Variants in AURKB observed in about 807,000 individuals in gnomAD.
The protein encoded by AURKB is aurora kinase B-Sv1.
In AURKB, 28 loss-of-function variants were observed where a neutral mutation model predicts 36.5. The ratio of observed to expected loss-of-function variants is 0.77; its 90% CI spans 0.57 to 1.05. The LOEUF is 1.05. Ranked by LOEUF, AURKB falls within the 50% of genes least tolerant of loss-of-function variation. The pLI, the probability that AURKB is intolerant of heterozygous loss-of-function variation, is 0.00. For synonymous variants in AURKB, 175 were observed against 172.9 expected (o/e 1.01, Z -0.09); for missense variants, 383 against 447.4 (o/e 0.86, Z 1.30).
chr17:8,205,571 A>G (rs1259883309), intron 7 of AURKB, among the ~76,000 whole-genome samples, 181 bp from the exon 8 acceptor site: 1 of 152,128 alleles, frequency 6.6e-6, no homozygotes, highest in Non-Finnish European at 1.5e-5. Context: ...CCCAGAGGTG[A>G]GCCTGCACAC....
Position 8,204,794 on chromosome 17 carries a change from A to G in AURKB, c.*77T>C. ...GAGGAGGTAGAAAACAGATAAGGGAACAGTTAGGGATCCCTTCTTTCCCCT... is the reference window on the plus strand; with the variant it reads ...GAGGAGGTAGAAAACAGATAAGGGAGCAGTTAGGGATCCCTTCTTTCCCCT... On this transcript the variant is annotated 3_prime_UTR_variant, in exon 9 of 9. Coordinates refer to ENST00000585124, the MANE Select transcript of AURKB (RefSeq NM_004217.4). The G allele has an allele frequency of 6.5e-7, 1 of 1,539,298 alleles. No homozygotes were observed. The highest frequency in any genetic ancestry group is 8.9e-7 in the Non-Finnish European group (1 of 1,129,844).
rs1276771833 is a variant in AURKB, at chr17:8,206,598, C to T, written c.579G>A (p.Gly193=). Residue 193 remains glycine, a synonymous_variant, in exon 7 of 9, where the codon GGG becomes GGA. Coordinates refer to ENST00000585124, the MANE Select transcript of AURKB (RefSeq NM_004217.4). This position sits in a 1 kb window ranked among gnomAD's most constrained non-coding sequence, Gnocchi z 4.2. Reference sequence around the variant, plus strand: ...TTATGTCTCTGTGAATCACCTTCTTCCCATGGCAGTACATTAGAGCATCTG... The same window carrying T: ...TTATGTCTCTGTGAATCACCTTCTTTCCATGGCAGTACATTAGAGCATCTG... ...ELADALMYCH[G]KKVIHRDIKP... is the part of the protein sequence containing the mutation. The T allele has an allele frequency of 2.5e-6, 4 of 1,614,102 alleles. No homozygotes were observed. Among genetic ancestry groups the T allele is most frequent in the Non-Finnish European group, 3.4e-6 (4 of 1,180,046 alleles).
chr17:8,208,621 TAAATAAATAAA>T (rs1244128109), intron 2 of AURKB, among the ~76,000 whole-genome samples: 1 of 147,756 alleles, frequency 6.8e-6, no homozygotes, highest in Non-Finnish European at 1.5e-5. Flanking sequence ...AATAAATAAA[TAAATAAATAAA>T]AAATAAATAA....
At chr17:8,209,845 G>GTTT (rs879603218) in intron 2 of AURKB, 85 of 361,714 alleles carry the variant, frequency 2.3e-4, no homozygotes, top group South Asian at 8.0e-4. Flanking sequence ...TTGCTGTCTA[G>GTTT]TTTTTTTTTT....
Position 8,210,121 on chromosome 17 carries a change from G to A in AURKB, c.48+56C>T. 8 of 1,598,182 alleles carry A rather than the reference G, an allele frequency of 5.0e-6. No homozygotes were observed. The South Asian group carries it at 7.7e-5, about 15-fold the overall frequency. ...TCATTGCAGGATCTCAAGTTTCCCA[G>A]CAGGAACTCGCCATGCGGGGTCATG... On this transcript the variant is annotated intron_variant, in intron 2 of 8. Coordinates refer to ENST00000585124, the MANE Select transcript of AURKB (RefSeq NM_004217.4).
At position 8,204,801 on chromosome 17, in the gene AURKB, G is replaced by A; in HGVS notation, c.*70C>T. On this transcript the variant is annotated 3_prime_UTR_variant, in exon 9 of 9. Transcript: ENST00000585124. Reference sequence around the variant, plus strand: ...TAGAAAACAGATAAGGGAACAGTTAGGGATCCCTTCTTTCCCCTATACATA... The same window carrying A: ...TAGAAAACAGATAAGGGAACAGTTAAGGATCCCTTCTTTCCCCTATACATA... 8 of 1,567,032 alleles carry A rather than the reference G, an allele frequency of 5.1e-6. No homozygotes were observed. The highest frequency in any genetic ancestry group is 1.9e-5 in the Admixed American group (1 of 51,696).
In AURKB at chr17:8,204,939, C is replaced by T. The variant is rs765528752; in HGVS notation, c.967G>A (p.Ala323Thr). 6.2e-7 allele frequency: 1 copy of T among 1,608,640 alleles called. No individual in the cohort carries two copies. The highest frequency in any genetic ancestry group is 8.5e-7 in the Non-Finnish European group (1 of 1,178,780). Residue 323 changes from alanine (A) to threonine (T), a missense_variant, in exon 9 of 9, where the codon GCC (alanine) becomes ACC (threonine). Coordinates refer to ENST00000585124, the MANE Select transcript of AURKB (RefSeq NM_004217.4). Reference protein sequence around the residue: ...SERLPLAQVSAHPWVRANSRR... With the variant: ...SERLPLAQVSTHPWVRANSRR... ...GAGTTGGCCCGGACCCAAGGGTGGG[C>T]TGAGACCTGGGCCAGGGGCAGCCGT...
Position 8,206,760 on chromosome 17 carries a change from C to A in AURKB, c.527G>T (p.Arg176Leu), listed in dbSNP as rs751644642. 1 of 1,613,918 alleles carries A rather than the reference C, an allele frequency of 6.2e-7. No homozygotes were observed. The highest frequency in any genetic ancestry group is 1.1e-5 in the South Asian group (1 of 91,054). ...CCCACCCGCCCGGACCGTGGCTGTT[C>A]GCTGCTCGTCAAATGTGCAGCTCTT... ...LQKSCTFDEQ[R>L]TATIMEELAD... is the part of the protein sequence containing the mutation. The change falls in exon 6 of 9, where the codon CGA (arginine) becomes CTA (leucine). Residue 176 changes from arginine (R) to leucine (L), a missense_variant. This residue lies in a region of AURKB where 219 missense variants were observed against 252.6 expected (regional missense o/e 0.87). Coordinates refer to ENST00000585124, the MANE Select transcript of AURKB (RefSeq NM_004217.4). This position sits in a 1 kb window ranked among gnomAD's most constrained non-coding sequence, Gnocchi z 4.2.
intron 7 of AURKB, 67 bp from the exon 8 acceptor site, chr17:8,205,457 G>T: frequency 6.4e-7 from 1 of 1,562,190 alleles, no homozygotes; most frequent in South Asian, 1.2e-5. Flanking sequence ...CCTGCTGCCT[G>T]ACGGCTGGGA....
rs565442198 is a variant in AURKB at position 8,205,240 on chromosome 17, G to C, written c.837C>G (p.Asn279Lys). ...CCTTGACGATGCGGCGATAGGTCTCGTTGTGTGATGCACTCTCAAAGGGTG... is the reference window on the plus strand; with the variant it reads ...CCTTGACGATGCGGCGATAGGTCTCCTTGTGTGATGCACTCTCAAAGGGTG... ...GNPPFESASH[N>K]ETYRRIVKVD... is the part of the protein sequence containing the mutation. The change falls in exon 8 of 9, where the codon AAC (asparagine) becomes AAG (lysine). Residue 279 changes from asparagine (N) to lysine (K), a missense_variant. By Grantham distance (94) the Asn-to-Lys change is moderately conservative. This residue lies in a region of AURKB where 219 missense variants were observed against 252.6 expected (regional missense o/e 0.87). Coordinates refer to ENST00000585124, the MANE Select transcript of AURKB (RefSeq NM_004217.4). 2.5e-6 allele frequency: 4 copies of C among 1,613,866 alleles called. No homozygotes were observed. Among genetic ancestry groups the C allele is most frequent in the Non-Finnish European group, 3.4e-6 (4 of 1,179,960 alleles).
In AURKB at chr17:8,206,359, G is replaced by A; in HGVS notation, c.686+132C>T. The A allele has an allele frequency of 1.8e-6, 2 of 1,100,416 alleles. No homozygotes were observed. The highest frequency in any genetic ancestry group is 2.6e-6 in the Non-Finnish European group (2 of 782,832). 68.2% of individuals were successfully genotyped at this position (1,100,416 alleles called of 1,614,324 possible). On this transcript the variant is annotated intron_variant, in intron 7 of 8. Coordinates refer to ENST00000585124, the MANE Select transcript of AURKB (RefSeq NM_004217.4). The surrounding 1 kb of genome is among the most constrained non-coding windows in gnomAD (Gnocchi z 4.2). ...TTGGCAAATCTAGTCTCGAACTCCT[G>A]ACCTCAGGTGATCCGCCCTCCTCGG...
chr17:8,206,740 C>A lies in AURKB; in HGVS notation c.537+10G>T. ...CCCTACTGGCGCCCCAGGTGCCCAC[C>A]CGCCCGGACCGTGGCTGTTCGCTGC... On this transcript the variant is annotated intron_variant, in intron 6 of 8. Transcript: ENST00000585124. This position sits in a 1 kb window ranked among gnomAD's most constrained non-coding sequence, Gnocchi z 4.2. The A allele has an allele frequency of 6.2e-7, 1 of 1,613,136 alleles. No homozygotes were observed. Among genetic ancestry groups the A allele is most frequent in the Non-Finnish European group, 8.5e-7 (1 of 1,179,288 alleles).
At position 8,210,192 on chromosome 17, in the gene AURKB, G is replaced by A. The variant is rs199830430; in HGVS notation, c.33C>T (p.Pro11=). The part of the protein sequence containing the change: MAQKENSYPW[P]YGRQTAPSGL... ...AGGGCCTTACCGTCTGTCGGCCGTA[G>A]GGCCAGGGGTAGGAGTTCTCCTTCT... The change falls in exon 2 of 9, where the codon CCC becomes CCT. Residue 11 remains proline, a synonymous_variant. Coordinates refer to ENST00000585124, the MANE Select transcript of AURKB (RefSeq NM_004217.4). 6.2e-7 allele frequency: 1 copy of A among 1,612,162 alleles called. No homozygotes were observed. The highest frequency in any genetic ancestry group is 2.2e-5 in the East Asian group (1 of 44,854).
intron 7 of AURKB, 109 bp from the exon 8 acceptor site, chr17:8,205,499 G>A (rs976619011): frequency 2.0e-5 from 28 of 1,390,646 alleles, no homozygotes; most frequent in Admixed American, 2.0e-4. Context: ...CCAGGGGAGA[G>A]GTCCAGCCAG....
rs1000627099 is a variant in AURKB at position 8,210,437 on chromosome 17, C to A, written c.-26+93G>T. On this transcript the variant is annotated intron_variant, in intron 1 of 8. Coordinates refer to ENST00000585124, the MANE Select transcript of AURKB (RefSeq NM_004217.4). ...TCGTCCCTACCTCCTTCCAGCCCTG[C>A]GGCGTGCGCGCAGGCCAGCCCAACG... The A allele has an allele frequency of 4.7e-5, 27 of 577,758 alleles. No individual in the cohort carries two copies. In the Admixed American group the frequency reaches 5.4e-4, roughly 12 times the overall value. The allele number at this position is 577,758 out of a possible 1,614,324, so 35.8% of individuals were successfully genotyped here. A position where few individuals can be genotyped will look rare whatever the true frequency, so the allele number is the denominator to read the frequency against.
rs560019280 is a variant in AURKB, at chr17:8,206,292, G to A, written c.686+199C>T. On this transcript the variant is annotated intron_variant, in intron 7 of 8. Coordinates refer to ENST00000585124, the MANE Select transcript of AURKB (RefSeq NM_004217.4). The surrounding 1 kb of genome is among the most constrained non-coding windows in gnomAD (Gnocchi z 4.2). ...ATTACTGGCGTCCGCCACCATGGCC[G>A]GCTAATTTTTGTATATTTAGTAGAG... Among the ~76,000 whole-genome samples the A allele has an allele frequency of 3.9e-5, 6 of 152,010 alleles. No individual in the cohort carries two copies. Among genetic ancestry groups the A allele is most frequent in the African/African-American group, 9.7e-5 (4 of 41,448 alleles).
chr17:8,207,563 G>A lies in AURKB; in HGVS notation c.206+8C>T. ...ACCCCCGTCCACCCCCAGGCTTGGG[G>A]CACTTACGTTAAGATGTCGGGTGTC... On this transcript the variant is annotated splice_region_variant and intron_variant, in intron 4 of 8. Transcript: ENST00000585124. 1 of 1,612,896 alleles carries A rather than the reference G, an allele frequency of 6.2e-7. No individual in the cohort carries two copies. The highest frequency in any genetic ancestry group is 8.5e-7 in the Non-Finnish European group (1 of 1,179,188).
rs1362314211 is a variant in AURKB at position 8,205,006 on chromosome 17, G to A, written c.900C>T (p.Ala300=). 1 of 1,597,622 alleles carries A rather than the reference G, an allele frequency of 6.3e-7. No homozygotes were observed. The highest frequency in any genetic ancestry group is 8.5e-7 in the Non-Finnish European group (1 of 1,174,550). The change falls in exon 9 of 9, where the codon GCC becomes GCT. Residue 300 remains alanine (A), a synonymous_variant. Coordinates refer to ENST00000585124, the MANE Select transcript of AURKB (RefSeq NM_004217.4). ...TGAGCAGTTTGGAGATGAGGTCCTG[G>A]GCTCCCATGGGCACGGAAGCGGGGA... The part of the protein sequence containing the change: ...LKFPASVPMG[A]QDLISKLLRH...
At position 8,210,535 on chromosome 17, in the gene AURKB, G is replaced by A. The variant is rs1020188680; in HGVS notation, c.-31C>T. The A allele has an allele frequency of 4.5e-6, 2 of 443,598 alleles. No homozygotes were observed. Among genetic ancestry groups the A allele is most frequent in the East Asian group, 9.2e-5 (2 of 21,796 alleles). 27.5% of individuals were successfully genotyped at this position (443,598 alleles called of 1,614,324 possible). On this transcript the variant is annotated 5_prime_UTR_variant, in exon 1 of 9. Transcript: ENST00000585124. The stretch of plus-strand genomic sequence containing the variant: ...GCGACAGGAGGCCAGCTCACCTGGG[G>A]TCCAAGGCACTGCTACTCTCCCGGC...
Sources: allele counts gnomAD v4.1 joint callset (sites outside exome capture counted in the v4.1 genomes callset), GRCh38; gene constraint gnomAD v4.1.1; regional missense constraint gnomAD v4.1.1; non-coding constraint Gnocchi (gnomAD v3.1); transcripts MANE v1.5; gene names NCBI Gene and HGNC (gene_info 2026-07-23, HGNC 2026-07-21).